FA2H: variants seen among roughly 807,000 people sequenced by gnomAD.
FA2H encodes the protein fatty acid alpha-hydroxylase.
In FA2H, 22 loss-of-function variants were observed where a neutral mutation model predicts 44.9. The ratio of observed to expected loss-of-function variants is 0.49; its 90% CI spans 0.35 to 0.70. FA2H has a LOEUF of 0.70. FA2H is among the 30% of genes least tolerant of loss of function. The pLI, the probability that FA2H is intolerant of heterozygous loss-of-function variation, is 0.01. For missense variants in FA2H, 501 were observed against 504.9 expected (o/e 0.99, Z 0.07); for synonymous variants, 243 against 213.2 (o/e 1.14, Z -1.22).
intron 1 of FA2H, among the ~76,000 whole-genome samples, chr16:74,745,607 G>C (rs1162442199): frequency 6.6e-6 from 1 of 152,178 alleles, no homozygotes; most frequent in Non-Finnish European, 1.5e-5. Flanking sequence ...GCAATGGAGG[G>C]TAGGGAGGGC....
rs1183533639 is a variant in FA2H, at chr16:74,714,281, G to A, written c.1040-12C>T. On this transcript the variant is annotated splice_polypyrimidine_tract_variant and intron_variant, in intron 6 of 6. Coordinates refer to ENST00000219368, the MANE Select transcript of FA2H (RefSeq NM_024306.5). ...GCTGATACCAAATCCTAGAGAGGGA[G>A]ACAAACGGGGAGAAGATGAGGCATT... 1 of 1,521,196 alleles carries A rather than the reference G, an allele frequency of 6.6e-7. No individual in the cohort carries two copies. The highest frequency in any genetic ancestry group is 1.9e-5 in the Admixed American group (1 of 51,310). 94.2% of individuals were successfully genotyped at this position (1,521,196 alleles called of 1,614,324 possible).
rs531719310 is a variant in FA2H at position 74,727,390 on chromosome 16, C to A, written c.364-4G>T. 6 of 1,614,220 alleles carry A rather than the reference C, an allele frequency of 3.7e-6. No homozygotes were observed. Among genetic ancestry groups the A allele is most frequent in the South Asian group, 3.3e-5 (3 of 91,088 alleles). On this transcript the variant is annotated splice_polypyrimidine_tract_variant and splice_region_variant and intron_variant, in intron 2 of 6. Coordinates refer to ENST00000219368, the MANE Select transcript of FA2H (RefSeq NM_024306.5). ...GCTTTCGCCAGTCCACCAGGTCCTGCAAGAGATGAAGCCAAGTGGACGTTT... is the reference window on the plus strand; with the variant it reads ...GCTTTCGCCAGTCCACCAGGTCCTGAAAGAGATGAAGCCAAGTGGACGTTT...
chr16:74,738,573 G>A (rs1419820597), intron 2 of FA2H, among the ~76,000 whole-genome samples: 3 of 152,252 alleles, frequency 2.0e-5, no homozygotes, highest in East Asian at 1.9e-4. Flanking sequence ...GTTCAGTCCC[G>A]GTCAGCTCTT....
chr16:74,735,057 T>C (rs1274240939), intron 2 of FA2H, among the ~76,000 whole-genome samples: 1 of 152,176 alleles, frequency 6.6e-6, no homozygotes, highest in Non-Finnish European at 1.5e-5. Flanking sequence ...TTCATGAGCC[T>C]TAATTCTGGG....
chr16:74,773,925 T>C (rs933852696), intron 1 of FA2H, among the ~76,000 whole-genome samples: 5 of 152,082 alleles, frequency 3.3e-5, no homozygotes, highest in Admixed American at 6.5e-5. Flanking sequence ...GTCTGAGAGG[T>C]TGGAGGACAC....
intron 6 of FA2H, among the ~76,000 whole-genome samples, chr16:74,714,682 T>C (rs899156215): frequency 6.6e-6 from 1 of 152,156 alleles, no homozygotes; most frequent in African/African-American, 2.4e-5. Context: ...GACCATTTAA[T>C]CTCTTTGCTG....
rs1292588466 is a variant in FA2H at position 74,757,500 on chromosome 16, T to C, written c.270+16986A>G. 3.9e-5 allele frequency among the ~76,000 whole-genome samples: 6 copies of C among 152,214 alleles called. No homozygotes were observed. The East Asian group carries it at 5.8e-4, about 15-fold the overall frequency. On this transcript the variant is annotated intron_variant, in intron 1 of 6. Transcript: ENST00000219368. Reference sequence around the variant, plus strand: ...ATTCCAAATCCAGGACTCTGTATTATGGTTGATTTGCATATATATGCAAAG... The same window carrying C: ...ATTCCAAATCCAGGACTCTGTATTACGGTTGATTTGCATATATATGCAAAG...
chr16:74,769,860 G>A (rs772649087), intron 1 of FA2H, among the ~76,000 whole-genome samples: 12 of 152,212 alleles, frequency 7.9e-5, no homozygotes, highest in Non-Finnish European at 1.3e-4. Context: ...TCTGTCACTC[G>A]CTCAAGGTGG....
rs1424018286 is a variant in FA2H, at chr16:74,713,000, TTTAAG to T, written c.*1185_*1189del. The T allele has an allele frequency of 6.5e-6, 1 of 152,672 alleles. No individual in the cohort carries two copies. The highest frequency in any genetic ancestry group is 2.4e-5 in the African/African-American group (1 of 41,462). 9.5% of individuals were successfully genotyped at this position (152,672 alleles called of 1,614,324 possible). On this transcript the variant is annotated 3_prime_UTR_variant, in exon 7 of 7. Coordinates refer to ENST00000219368, the MANE Select transcript of FA2H (RefSeq NM_024306.5). ...GTGTTTTATTTTTCAAAATATACAA[TTTAAG>T]TTTTTATTTCACAACCGTAGTTTTG...
chr16:74,755,213 T>C (rs1962592670), intron 1 of FA2H, among the ~76,000 whole-genome samples: 2 of 151,468 alleles, frequency 1.3e-5, no homozygotes, highest in Admixed American at 1.3e-4. Flanking sequence ...GGAGTCTTGC[T>C]CTGTCACCCA....
intron 1 of FA2H, among the ~76,000 whole-genome samples, chr16:74,758,553 A>C (rs75715037): frequency 0.022 from 3,366 of 152,166 alleles, 128 homozygotes; most frequent in African/African-American, 0.077. Flanking sequence ...GAACAAACAG[A>C]ATACTGCAGA....
chr16:74,767,597 G>A (rs982624974), intron 1 of FA2H, among the ~76,000 whole-genome samples: 4 of 152,320 alleles, frequency 2.6e-5, no homozygotes, highest in Admixed American at 1.3e-4. Flanking sequence ...AGGAGACGCA[G>A]CAACAGAGGC....
intron 2 of FA2H, among the ~76,000 whole-genome samples, chr16:74,738,464 T>C (rs181977019): frequency 6.6e-6 from 1 of 152,244 alleles, no homozygotes; most frequent in African/African-American, 2.4e-5. Context: ...GAGCTGGCAA[T>C]GTGGGCTGGA....
chr16:74,750,040 G>A (rs1962501227), intron 1 of FA2H, among the ~76,000 whole-genome samples: 1 of 152,148 alleles, frequency 6.6e-6, no homozygotes, highest in Non-Finnish European at 1.5e-5. Flanking sequence ...CTTGCTGCAC[G>A]GGTAAAATGG....
intron 2 of FA2H, among the ~76,000 whole-genome samples, chr16:74,736,794 C>T (rs1226769132): frequency 3.9e-5 from 6 of 152,132 alleles, no homozygotes; most frequent in East Asian, 3.9e-4. Flanking sequence ...TCCTACTCAC[C>T]GGCCTCAGGG....
intron 1 of FA2H, among the ~76,000 whole-genome samples, chr16:74,770,543 TAA>T (rs1178508679): frequency 6.6e-6 from 1 of 152,160 alleles, no homozygotes; most frequent in African/African-American, 2.4e-5. Flanking sequence ...CACACCCAGC[TAA>T]TTTTTTGTAG....
intron 2 of FA2H, among the ~76,000 whole-genome samples, chr16:74,737,778 G>T (rs1055697245): frequency 9.2e-5 from 14 of 152,092 alleles, no homozygotes; most frequent in African/African-American, 2.9e-4. Flanking sequence ...GGGACCCTCG[G>T]CTGAGACAAA....
At chr16:74,761,930 G>C (rs1168018795) in intron 1 of FA2H, among the ~76,000 whole-genome samples, 1 of 152,228 alleles carries the variant, frequency 6.6e-6, no homozygotes, top group East Asian at 1.9e-4. Flanking sequence ...AGATAGACCT[G>C]TTAAAGGATG....
chr16:74,739,151 A>G (rs1463907835), intron 2 of FA2H, among the ~76,000 whole-genome samples: 1 of 152,058 alleles, frequency 6.6e-6, no homozygotes, highest in Non-Finnish European at 1.5e-5. Context: ...ATAACTCTTT[A>G]TGGCGGTGGT....
Sources: allele counts gnomAD v4.1 joint callset (sites outside exome capture counted in the v4.1 genomes callset), GRCh38; gene constraint gnomAD v4.1.1; transcripts MANE v1.5; gene names NCBI Gene and HGNC (gene_info 2026-07-23, HGNC 2026-07-21).